SLC2A9: variants seen among roughly 807,000 people sequenced by gnomAD.
SLC2A9 encodes solute carrier family 2 member 9, also known as solute carrier family 2, facilitated glucose transporter member 9.
In SLC2A9, 39 loss-of-function variants were observed where a neutral mutation model predicts 50.6. The ratio of observed to expected loss-of-function variants is 0.77; its 90% CI spans 0.60 to 1.01. SLC2A9 has a LOEUF of 1.01. SLC2A9 is among the 50% of genes least tolerant of loss of function. The probability of loss-of-function intolerance (pLI) is 0.00; values close to 1 mark genes in which losing one functional copy is unlikely to be tolerated. For missense variants in SLC2A9, 686 were observed against 677.6 expected, an observed-to-expected ratio of 1.01 and a Z score of -0.14; for synonymous variants, 324 against 276.9, an observed-to-expected ratio of 1.17 and a Z score of -1.69.
intron 1 of SLC2A9, among the ~76,000 whole-genome samples, chr4:10,030,412 G>T (rs959136134): frequency 1.3e-5 from 2 of 152,152 alleles, no homozygotes; most frequent in Non-Finnish European, 2.9e-5. Flanking sequence ...TTATGCCTTT[G>T]TCCAAACCCA....
At chr4:9,913,280 T>C (rs555549301) in intron 7 of SLC2A9, among the ~76,000 whole-genome samples, 185 of 151,924 alleles carry the variant, frequency 1.2e-3, no homozygotes, top group African/African-American at 4.1e-3. Flanking sequence ...ATAATTAATA[T>C]ATTTTATGCA....
intron 3 of SLC2A9, among the ~76,000 whole-genome samples, chr4:9,781,229 T>C (rs1718313033): frequency 6.6e-6 from 1 of 152,160 alleles, no homozygotes; most frequent in Admixed American, 6.5e-5. Flanking sequence ...GGTAAAGTTA[T>C]GTAGGGCCCT....
At chr4:9,883,029 T>C (rs1735503656) in intron 10 of SLC2A9, among the ~76,000 whole-genome samples, 1 of 152,146 alleles carries the variant, frequency 6.6e-6, no homozygotes, top group Non-Finnish European at 1.5e-5. Flanking sequence ...AGAAAATAGC[T>C]TCTTTCATGG....
rs148594055 is a variant in SLC2A9, at chr4:9,794,038, A to G, written n.386-13973T>C. Among the ~76,000 whole-genome samples, 1,064 of 152,332 alleles carry G rather than the reference A, an allele frequency of 7.0e-3. 11 individuals carry two copies. The highest frequency in any genetic ancestry group is 0.024 in the African/African-American group (1,007 of 41,572). The stretch of plus-strand genomic sequence containing the variant: ...TTCTGAATTTGGTTCTCTCATCTCT[A>G]ATAATGAAACCACCATGCTTACATC... On this transcript the variant is annotated intron_variant and non_coding_transcript_variant, in intron 3 of 3. Coordinates refer to the SLC2A9 transcript ENST00000503803.
chr4:9,938,270 A>AT (rs35270015), intron 6 of SLC2A9, among the ~76,000 whole-genome samples: 30,152 of 118,218 alleles, frequency 0.26, 4,266 homozygotes, highest in Admixed American at 0.33. Flanking sequence ...ATCTTTTGCT[A>AT]TTTTTTTTTT....
In SLC2A9 at chr4:9,890,639, C is replaced by G; in HGVS notation, c.1186G>C (p.Gly396Arg). 1 of 1,614,116 alleles carries G rather than the reference C, an allele frequency of 6.2e-7. No homozygotes were observed. The highest frequency in any genetic ancestry group is 8.5e-7 in the Non-Finnish European group (1 of 1,180,014). ...GGFGLMGLFFGTLTITLTLQD... is the reference protein window; with the variant it reads ...GGFGLMGLFFRTLTITLTLQD... ...AGGGTCAGCGTGATGGTGAGGGTCC[C>G]AAAGAAGAGGCCCATGAGCCCAAAG... Residue 396 changes from glycine to arginine, a missense_variant, in exon 9 of 12, where the codon GGG becomes CGG. Coordinates refer to ENST00000264784, the MANE Select transcript of SLC2A9 (RefSeq NM_020041.3).
chr4:9,800,439 A>G (rs1203640074), intron 3 of SLC2A9, among the ~76,000 whole-genome samples: 4 of 152,254 alleles, frequency 2.6e-5, no homozygotes, highest in African/African-American at 9.6e-5. Context: ...ACAGGCATGT[A>G]TAGAAGATGA....
chr4:9,909,078 T>C (rs941369185), intron 7 of SLC2A9, among the ~76,000 whole-genome samples: 3 of 152,086 alleles, frequency 2.0e-5, no homozygotes, highest in East Asian at 1.9e-4. Flanking sequence ...CACTGAAAAA[T>C]TGCCATAGTA....
chr4:9,951,754 TTCC>T (rs1750304857), intron 5 of SLC2A9, among the ~76,000 whole-genome samples: 1 of 152,282 alleles, frequency 6.6e-6, no homozygotes, highest in South Asian at 2.1e-4. Context: ...TTTATAAATG[TTCC>T]TCATTATTCT....
At chr4:9,976,643 C>G (rs992693800) in intron 5 of SLC2A9, among the ~76,000 whole-genome samples, 1 of 152,206 alleles carries the variant, frequency 6.6e-6, no homozygotes. Context: ...AAACTCCCAT[C>G]TGATGGGAAG....
chr4:9,795,758 G>C (rs1300570354), downstream of SLC2A9, among the ~76,000 whole-genome samples: 6 of 152,174 alleles, frequency 3.9e-5, no homozygotes, highest in African/African-American at 1.4e-4. Flanking sequence ...CTTGGTCAGG[G>C]CACAGGTCCT....
intron 10 of SLC2A9, among the ~76,000 whole-genome samples, chr4:9,838,581 A>C (rs1489376848): frequency 3.9e-5 from 6 of 152,244 alleles, no homozygotes; most frequent in Non-Finnish European, 7.3e-5. Flanking sequence ...AGCTGGGGGC[A>C]TCATACTACC....
chr4:9,776,009 C>T (rs186587967), downstream of SLC2A9, among the ~76,000 whole-genome samples: 291 of 152,100 alleles, frequency 1.9e-3, 2 homozygotes, highest in Middle Eastern at 0.041. Context: ...ACATCACTTC[C>T]GCTCACATTC....
chr4:10,038,269 G>T (rs1764170289), intron 1 of SLC2A9, among the ~76,000 whole-genome samples: 1 of 152,038 alleles, frequency 6.6e-6, no homozygotes, highest in Non-Finnish European at 1.5e-5. Flanking sequence ...TGCTTTGAGA[G>T]GCCGAGGCGG....
At chr4:9,853,213 G>T (rs1037006064) in intron 10 of SLC2A9, among the ~76,000 whole-genome samples, 7 of 148,200 alleles carry the variant, frequency 4.7e-5, no homozygotes, top group Non-Finnish European at 1.0e-4. Context: ...TGACAAGCTT[G>T]ATAAAGAAGC....
intron 3 of SLC2A9, among the ~76,000 whole-genome samples, chr4:9,800,716 A>G (rs762084395): frequency 1.2e-4 from 18 of 152,246 alleles, no homozygotes; most frequent in Non-Finnish European, 2.2e-4. Context: ...ATGCAGTATA[A>G]CAACTATTTA....
chr4:9,906,150 T>G (rs1740623523), intron 8 of SLC2A9, among the ~76,000 whole-genome samples: 1 of 152,194 alleles, frequency 6.6e-6, no homozygotes, highest in Admixed American at 6.5e-5. Context: ...CCCATCCCTA[T>G]GAAGCAGGGA....
chr4:9,982,945 C>T (rs993017498), intron 4 of SLC2A9, among the ~76,000 whole-genome samples: 4 of 152,054 alleles, frequency 2.6e-5, no homozygotes, highest in Admixed American at 6.6e-5. Context: ...CTCGGCTCAC[C>T]GCAACCTCCA....
At chr4:10,012,374 C>G (rs1251333917) in intron 2 of SLC2A9, among the ~76,000 whole-genome samples, 1 of 152,190 alleles carries the variant, frequency 6.6e-6, no homozygotes, top group Non-Finnish European at 1.5e-5. Flanking sequence ...GCCTTGGACT[C>G]ACTTTAAATT....
Sources: allele counts gnomAD v4.1 joint callset (sites outside exome capture counted in the v4.1 genomes callset), GRCh38; gene constraint gnomAD v4.1.1; transcripts MANE v1.5; gene names NCBI Gene and HGNC (gene_info 2026-07-23, HGNC 2026-07-21).